The following ZFHX3 variants were observed in gnomAD, a reference collection of about 807,000 sequenced individuals.
The protein encoded by ZFHX3 is zinc finger homeobox 3.
ZFHX3 carries 42 observed loss-of-function variants against 279.1 expected under a neutral mutation model. The observed-to-expected ratio is 0.15, with a 90% CI of 0.12 to 0.19. The LOEUF (loss-of-function observed/expected upper bound fraction) is 0.19. Ranked by LOEUF, ZFHX3 falls within the 10% of genes least tolerant of loss-of-function variation. ZFHX3 has a pLI of 1.00. For synonymous variants in ZFHX3, 2,293 were observed against 1,957.8 expected, an observed-to-expected ratio of 1.17 and a Z score of -4.52; for missense variants, 4,981 against 4,754.0, an observed-to-expected ratio of 1.05 and a Z score of -1.40.
Position 72,787,030 on chromosome 16 carries a change from CT to C in ZFHX3, c.*133del, listed in dbSNP as rs949021905. ...TATGGGAAAACAACCCACGCTTTTT[CT>C]TTTTTTTCTTTTTTTTTTTTTTTTT... On this transcript the variant is annotated 3_prime_UTR_variant, in exon 10 of 10. Transcript: ENST00000268489. 25 of 967,766 alleles carry C rather than the reference CT, an allele frequency of 2.6e-5. No individual in the cohort carries two copies. Among genetic ancestry groups the C allele is most frequent in the Admixed American group, 9.0e-5 (2 of 22,196 alleles). 59.9% of individuals were successfully genotyped at this position (967,766 alleles called of 1,614,324 possible). A position where few individuals can be genotyped will look rare whatever the true frequency, so the allele number is the denominator to read the frequency against.
intron 3 of ZFHX3, among the ~76,000 whole-genome samples, chr16:72,918,319 C>T (rs1235926163): frequency 4.6e-5 from 7 of 152,120 alleles, no homozygotes; most frequent in Non-Finnish European, 1.5e-5. Context: ...GGTACATACA[C>T]ATGAAGACAA....
intron 1 of ZFHX3, among the ~76,000 whole-genome samples, chr16:73,820,821 G>C (rs1960718052): frequency 6.6e-6 from 1 of 151,632 alleles, no homozygotes; most frequent in Non-Finnish European, 1.5e-5. Flanking sequence ...CAAAGTTATT[G>C]AGACTTCAAT....
chr16:73,115,148 C>T (rs1237685164), intron 7 of ZFHX3, among the ~76,000 whole-genome samples: 1 of 152,052 alleles, frequency 6.6e-6, no homozygotes, highest in African/African-American at 2.4e-5. Flanking sequence ...TCCTGGCTGC[C>T]CCTCATCTCC....
intron 2 of ZFHX3, among the ~76,000 whole-genome samples, chr16:73,472,360 T>G (rs779155641): frequency 6.6e-5 from 10 of 151,622 alleles, no homozygotes; most frequent in Non-Finnish European, 7.4e-5. Flanking sequence ...GAAGTCACAC[T>G]TAGCTGGCTT....
chr16:73,334,153 T>C (rs2015861444), intron 3 of ZFHX3, among the ~76,000 whole-genome samples: 1 of 151,196 alleles, frequency 6.6e-6, no homozygotes, highest in Non-Finnish European at 1.5e-5. Context: ...GAGAATGGAG[T>C]CGCCACGGCC....
At position 72,797,321 on chromosome 16, in the gene ZFHX3, C is replaced by T. The variant is rs1272465332; in HGVS notation, c.5361G>A (p.Leu1787=). The change falls in exon 9 of 10, where the codon CTG becomes CTA. Residue 1787 remains leucine, a synonymous_variant. Coordinates refer to ENST00000268489, the MANE Select transcript of ZFHX3 (RefSeq NM_006885.4). ...LPHFPMTTET[L]LQLQQQQHLL... ...GGTGCTGCTGCTGCTGTAGTTGCAGCAGGGTCTCAGTTGTCATGGGGAAGT... is the reference window on the plus strand; with the variant it reads ...GGTGCTGCTGCTGCTGTAGTTGCAGTAGGGTCTCAGTTGTCATGGGGAAGT... 3.7e-6 allele frequency: 6 copies of T among 1,603,688 alleles called. No homozygotes were observed. The highest frequency in any genetic ancestry group is 1.7e-5 in the Admixed American group (1 of 59,460).
intron 5 of ZFHX3, among the ~76,000 whole-genome samples, chr16:73,177,265 A>G (rs1296633218): frequency 6.6e-6 from 1 of 152,222 alleles, no homozygotes; most frequent in East Asian, 1.9e-4. Context: ...CTTCCATTCT[A>G]TGCAAAAGAG....
chr16:73,296,218 T>A lies in ZFHX3; in HGVS notation c.-1194+22022A>T, dbSNP rs1048819079. Reference sequence around the variant, plus strand: ...TGAAATTTCATTTAAGATACATAACTGAAAAAGCATAAAAATGTCCAAACT... The same window carrying A: ...TGAAATTTCATTTAAGATACATAACAGAAAAAGCATAAAAATGTCCAAACT... On this transcript the variant is annotated intron_variant, in intron 4 of 17. Coordinates refer to the ZFHX3 transcript ENST00000641206. Among the ~76,000 whole-genome samples the A allele has an allele frequency of 2.0e-5, 3 of 152,158 alleles. No individual in the cohort carries two copies. The South Asian group carries it at 6.2e-4, about 32-fold the overall frequency.
chr16:73,580,947 C>A (rs2051855128), intron 2 of ZFHX3, among the ~76,000 whole-genome samples: 2 of 151,766 alleles, frequency 1.3e-5, no homozygotes, highest in Non-Finnish European at 2.9e-5. Flanking sequence ...ACAGGCTGAA[C>A]CCAGTCAGCC....
intron 2 of ZFHX3, among the ~76,000 whole-genome samples, chr16:73,535,722 C>CTTTTTTTTTTT (rs56867952): frequency 2.2e-5 from 3 of 139,006 alleles, no homozygotes; most frequent in Non-Finnish European, 1.5e-5. Context: ...TGCCCCCTAT[C>CTTTTTTTTTTT]TTTTTTTTTT....
intron 5 of ZFHX3, among the ~76,000 whole-genome samples, chr16:73,157,841 G>A (rs1292665231): frequency 1.3e-5 from 2 of 152,116 alleles, no homozygotes; most frequent in African/African-American, 4.8e-5. Context: ...AGGAGAAGAA[G>A]CATTTTAGAG....
intron 4 of ZFHX3, among the ~76,000 whole-genome samples, chr16:72,865,778 T>C (rs7201079): frequency 0.13 from 19,533 of 152,120 alleles, 3,540 homozygotes; most frequent in African/African-American, 0.41. Flanking sequence ...CCAAGGCTTC[T>C]GTATCCACAG....
chr16:73,518,466 A>G (rs1433941512), intron 2 of ZFHX3, among the ~76,000 whole-genome samples: 1 of 152,196 alleles, frequency 6.6e-6, no homozygotes, highest in African/African-American at 2.4e-5. Flanking sequence ...ACCTTTCATG[A>G]GGAGAAATCA....
At chr16:73,670,467 C>G (rs2052893657) in intron 2 of ZFHX3, among the ~76,000 whole-genome samples, 1 of 152,094 alleles carries the variant, frequency 6.6e-6, no homozygotes, top group Non-Finnish European at 1.5e-5. Flanking sequence ...CCAGTTAAGA[C>G]AAAATTAGAA....
At chr16:73,483,174 C>A in intron 2 of ZFHX3, 1 of 337,988 alleles carries the variant, frequency 3.0e-6, no homozygotes, top group Non-Finnish European at 5.8e-6. Flanking sequence ...CCGATCCCTC[C>A]GAGGGTGACC....
At chr16:73,319,309 T>C (rs1597282175) in intron 3 of ZFHX3, among the ~76,000 whole-genome samples, 1 of 152,030 alleles carries the variant, frequency 6.6e-6, no homozygotes, top group East Asian at 1.9e-4. Context: ...GAGATACATG[T>C]CCCTTTATCA....
intron 3 of ZFHX3, among the ~76,000 whole-genome samples, chr16:72,898,235 A>G (rs565187103): frequency 2.2e-4 from 34 of 152,298 alleles, no homozygotes; most frequent in African/African-American, 7.2e-4. Context: ...TGCAGACACC[A>G]TAAGATAGAA....
chr16:72,856,281 AC>A (rs1204735280), intron 4 of ZFHX3, among the ~76,000 whole-genome samples: 3 of 152,224 alleles, frequency 2.0e-5, no homozygotes, highest in East Asian at 1.9e-4. Context: ...GACAATGAGC[AC>A]GCACGTGGTC....
chr16:73,688,643 T>A (rs1422836823), intron 1 of ZFHX3, among the ~76,000 whole-genome samples: 1 of 152,064 alleles, frequency 6.6e-6, no homozygotes, highest in Admixed American at 6.6e-5. Flanking sequence ...ACATTTCTGT[T>A]GATTAGAAGT....
Sources: allele counts gnomAD v4.1 joint callset (sites outside exome capture counted in the v4.1 genomes callset), GRCh38; gene constraint gnomAD v4.1.1; transcripts MANE v1.5; gene names NCBI Gene and HGNC (gene_info 2026-07-23, HGNC 2026-07-21).